The following TK2 variants were observed in gnomAD, a reference collection of about 807,000 sequenced individuals.
TK2 encodes the protein thymidine kinase 2.
Under a neutral mutation model 41.9 loss-of-function variants are expected in TK2, and 35 were observed. The observed-to-expected ratio is 0.84, with a 90% CI of 0.64 to 1.11. The LOEUF is 1.11. Ranked by LOEUF, TK2 falls within the 50% of genes least tolerant of loss-of-function variation. The pLI is 0.00. For synonymous variants in TK2, 128 were observed against 129.1 expected (o/e 0.99, Z 0.06); for missense variants, 320 against 351.1 (o/e 0.91, Z 0.71).
In TK2 at chr16:66,517,422, G is replaced by C. The variant is rs1964648495; in HGVS notation, c.539-207C>G. The stretch of plus-strand genomic sequence containing the variant: ...CGTGGGGTCGTTTTGAGGCTGAATG[G>C]GATTCTGTTCATAGACAGAGCTCAA... On this transcript the variant is annotated intron_variant, in intron 7 of 9. Coordinates refer to ENST00000544898, the MANE Select transcript of TK2 (RefSeq NM_004614.5). This position sits in a 1 kb window ranked among gnomAD's most constrained non-coding sequence, Gnocchi z 4.3. 1.5e-6 allele frequency: 1 copy of C among 648,356 alleles called. No homozygotes were observed. Among genetic ancestry groups the C allele is most frequent in the Admixed American group, 2.3e-5 (1 of 43,102 alleles). 40.2% of individuals were successfully genotyped at this position (648,356 alleles called of 1,614,324 possible). A position where few individuals can be genotyped will look rare whatever the true frequency, so the allele number is the denominator to read the frequency against.
At chr16:66,540,608 T>C (rs548772315) in intron 3 of TK2, among the ~76,000 whole-genome samples, 1 of 152,320 alleles carries the variant, frequency 6.6e-6, no homozygotes, top group African/African-American at 2.4e-5. Flanking sequence ...ACCACTAAAA[T>C]CTAGAACAAG....
At position 66,537,003 on chromosome 16, in the gene TK2, A is replaced by G. The variant is rs2144436137; in HGVS notation, c.246T>C (p.Pro82=). Reference sequence around the variant, plus strand: ...CACGGACATTTCTCCACTTGGACACAGGCTCCGTTAACACCTGGAAGGAAA... The same window carrying G: ...CACGGACATTTCTCCACTTGGACACGGGCTCCGTTAACACCTGGAAGGAAA... The part of the protein sequence containing the change: ...NATDVEVLTE[P]VSKWRNVRGH... The change falls in exon 4 of 10, where the codon CCT becomes CCC. Residue 82 remains proline (P), a synonymous_variant. Transcript: ENST00000544898. The G allele has an allele frequency of 6.2e-7, 1 of 1,614,152 alleles. No individual in the cohort carries two copies. The highest frequency in any genetic ancestry group is 2.2e-5 in the East Asian group (1 of 44,884).
At chr16:66,523,854 CA>C (rs1407825473) in intron 6 of TK2, among the ~76,000 whole-genome samples, 5 of 151,962 alleles carry the variant, frequency 3.3e-5, no homozygotes, top group Non-Finnish European at 7.4e-5. Context: ...AAACAAAAAA[CA>C]AAAAAACCCC....
At chr16:66,537,826 G>A (rs1269281715) in intron 3 of TK2, among the ~76,000 whole-genome samples, 1 of 152,168 alleles carries the variant, frequency 6.6e-6, no homozygotes, top group Non-Finnish European at 1.5e-5. Context: ...GGGGCCATAG[G>A]TGACAAAAGA....
intron 6 of TK2, among the ~76,000 whole-genome samples, chr16:66,521,204 C>A (rs1360573499): frequency 6.6e-6 from 1 of 152,212 alleles, no homozygotes; most frequent in Non-Finnish European, 1.5e-5. Flanking sequence ...CCAAACCAAC[C>A]ACCACTGCAA....
chr16:66,520,424 C>A (rs1253013331), intron 6 of TK2, among the ~76,000 whole-genome samples: 1 of 152,178 alleles, frequency 6.6e-6, no homozygotes, highest in East Asian at 1.9e-4. Context: ...TAAAGGAAGT[C>A]GTCTCCCCTA....
In TK2 at chr16:66,549,998, G is replaced by A. The variant is rs1264291287; in HGVS notation, c.64C>T (p.Arg22Cys). 2 of 1,522,888 alleles carry A rather than the reference G, an allele frequency of 1.3e-6. No homozygotes were observed. The highest frequency in any genetic ancestry group is 8.8e-7 in the Non-Finnish European group (1 of 1,139,778). 94.3% of individuals were successfully genotyped at this position (1,522,888 alleles called of 1,614,324 possible). A position where few individuals can be genotyped will look rare whatever the true frequency, so the allele number is the denominator to read the frequency against. Reference protein sequence around the residue: ...RALRCFGPGSRGSPASGPGPR... With the variant: ...RALRCFGPGSCGSPASGPGPR... ...CCGGGGCCTGAGGCCGGGCTCCCGC[G>A]ACTTCCCGGCCCAAAGCAGCGCAGC... Residue 22 changes from arginine (R) to cysteine (C), a missense_variant, in exon 1 of 10, where the codon CGC becomes TGC. Coordinates refer to ENST00000544898, the MANE Select transcript of TK2 (RefSeq NM_004614.5).
At chr16:66,520,164 C>G (rs1268274002) in intron 6 of TK2, among the ~76,000 whole-genome samples, 2 of 152,152 alleles carry the variant, frequency 1.3e-5, no homozygotes, top group African/African-American at 4.8e-5. Flanking sequence ...CCTGGAGAAG[C>G]TGCGTGGGAG....
chr16:66,548,674 C>T (rs779924998), intron 2 of TK2: 3 of 373,566 alleles, frequency 8.0e-6, no homozygotes, highest in Non-Finnish European at 1.5e-5. Flanking sequence ...CTGACCTTCC[C>T]CACAACACAA....
At position 66,529,071 on chromosome 16, in the gene TK2, A is replaced by C. The variant is rs1311679299; in HGVS notation, c.376-4T>G. 3 of 1,613,854 alleles carry C rather than the reference A, an allele frequency of 1.9e-6. No individual in the cohort carries two copies. In the Admixed American group the frequency reaches 5.0e-5, roughly 27 times the overall value. On this transcript the variant is annotated splice_region_variant and splice_polypyrimidine_tract_variant and intron_variant, in intron 5 of 9. Transcript: ENST00000544898. ...CCATCAACCGTACAGATGACACCTA[A>C]AGGAAAACAAAAAGAGAATCACTAA...
chr16:66,526,691 G>A (rs1447601029), intron 6 of TK2, among the ~76,000 whole-genome samples: 4 of 152,118 alleles, frequency 2.6e-5, no homozygotes, highest in Non-Finnish European at 4.4e-5. Context: ...CATCGAGGCC[G>A]CAGTGAGCCA....
chr16:66,517,972 G>A lies in TK2; in HGVS notation c.450-95C>T. On this transcript the variant is annotated intron_variant, in intron 6 of 9. Coordinates refer to ENST00000544898, the MANE Select transcript of TK2 (RefSeq NM_004614.5). The surrounding 1 kb of genome is among the most constrained non-coding windows in gnomAD (Gnocchi z 4.3). ...GATCTTGAGACGGCTCTCAATGAAA[G>A]GAGTCACCAAGGGTACCAGGGCACA... is the stretch of plus-strand genomic sequence containing the variant. 1 of 1,015,920 alleles carries A rather than the reference G, an allele frequency of 9.8e-7. No individual in the cohort carries two copies. The highest frequency in any genetic ancestry group is 1.3e-5 in the South Asian group (1 of 78,660). The allele number at this position is 1,015,920 out of a possible 1,614,324, so 62.9% of individuals were successfully genotyped here.
At chr16:66,526,457 C>T (rs981851964) in intron 6 of TK2, among the ~76,000 whole-genome samples, 7 of 152,104 alleles carry the variant, frequency 4.6e-5, no homozygotes, top group South Asian at 2.1e-4. Flanking sequence ...AAAAGAGCCA[C>T]GAGGCCGAGC....
At chr16:66,513,620 T>C (rs113253209) in intron 9 of TK2, 111 bp downstream of exon 9, 49 of 966,034 alleles carry the variant, frequency 5.1e-5, no homozygotes, top group African/African-American at 6.5e-5. Context: ...TTCTTCTAAG[T>C]TGTCAAACTC....
In TK2 at chr16:66,550,080, A is replaced by G. The variant is rs1209175612; in HGVS notation, c.-19T>C. The G allele has an allele frequency of 3.1e-6, 5 of 1,599,106 alleles. No individual in the cohort carries two copies. The African/African-American group carries it at 4.0e-5, about 13-fold the overall frequency. ...GCAGCATAGCCGGGCGAGCGGATCC[A>G]GAGGCCCGGGGTTCCTTCTTGTGCG... is the stretch of plus-strand genomic sequence containing the variant. On this transcript the variant is annotated 5_prime_UTR_variant, in exon 1 of 10. Coordinates refer to ENST00000544898, the MANE Select transcript of TK2 (RefSeq NM_004614.5).
Position 66,510,256 on chromosome 16 carries a change from A to C in TK2, c.*1712T>G, listed in dbSNP as rs1489050144. ...AGAGAGAAATCACATTTCCCCAAAA[A>C]TGGATGTGCAAAATGAGCCGAGAGG... On this transcript the variant is annotated 3_prime_UTR_variant, in exon 10 of 10. Transcript: ENST00000544898. 1.3e-5 allele frequency: 2 copies of C among 152,050 alleles called. No homozygotes were observed. The highest frequency in any genetic ancestry group is 6.5e-5 in the Admixed American group (1 of 15,276). 9.4% of individuals were successfully genotyped at this position (152,050 alleles called of 1,614,324 possible).
In TK2 at chr16:66,525,924, A is replaced by G. The variant is rs1400573222; in HGVS notation, c.449+3070T>C. On this transcript the variant is annotated intron_variant, in intron 6 of 9. Transcript: ENST00000544898. The stretch of plus-strand genomic sequence containing the variant: ...GGACAGGAAAAGAGCTAAAAAAATT[A>G]AAAGCTACATTCTCTTCCTAAACTA... Among the ~76,000 whole-genome samples, 3 of 152,354 alleles carry G rather than the reference A, an allele frequency of 2.0e-5. No homozygotes were observed. The East Asian group carries it at 5.8e-4, about 29-fold the overall frequency.
intron 2 of TK2, among the ~76,000 whole-genome samples, chr16:66,542,296 C>A (rs1965481437): frequency 6.6e-6 from 1 of 152,146 alleles, no homozygotes; most frequent in South Asian, 2.1e-4. Context: ...TGTCCTGCCT[C>A]CTTAACGAGA....
At chr16:66,532,898 C>T (rs1166551968) in intron 4 of TK2, among the ~76,000 whole-genome samples, 1 of 151,728 alleles carries the variant, frequency 6.6e-6, no homozygotes, top group Non-Finnish European at 1.5e-5. Flanking sequence ...TGATATGAAA[C>T]CACAAAAGAC....
Sources: allele counts gnomAD v4.1 joint callset (sites outside exome capture counted in the v4.1 genomes callset), GRCh38; gene constraint gnomAD v4.1.1; non-coding constraint Gnocchi (gnomAD v3.1); transcripts MANE v1.5; gene names NCBI Gene and HGNC (gene_info 2026-07-23, HGNC 2026-07-21).